IFNG-AS1: variants seen among roughly 807,000 people sequenced by gnomAD.
IFNG-AS1 encodes IFNG regulatory antisense RNA 1.
intron 1 of IFNG-AS1, among the ~76,000 whole-genome samples, chr12:67,991,704 AGTACTTC>A (rs1879517390): frequency 6.6e-6 from 1 of 152,240 alleles, no homozygotes; most frequent in South Asian, 2.1e-4. Context: ...GGTCTCAGTC[AGTACTTC>A]GTACTGCAAC....
chr12:68,017,934 C>A (rs922746203), intron 3 of IFNG-AS1, among the ~76,000 whole-genome samples: 2 of 152,154 alleles, frequency 1.3e-5, no homozygotes, highest in Non-Finnish European at 2.9e-5. Flanking sequence ...TGGAGTACTT[C>A]CCAGCTACTA....
chr12:67,995,388 T>C (rs1335076297), intron 1 of IFNG-AS1, among the ~76,000 whole-genome samples: 2 of 124,252 alleles, frequency 1.6e-5, no homozygotes, highest in African/African-American at 6.2e-5. Flanking sequence ...GCCACTGCAC[T>C]CCAGCCTGGT....
At chr12:68,015,644 T>C (rs917862875) in intron 3 of IFNG-AS1, among the ~76,000 whole-genome samples, 2 of 152,140 alleles carry the variant, frequency 1.3e-5, no homozygotes, top group African/African-American at 2.4e-5. Context: ...TTTAGTACTA[T>C]ATAGTCTCCT....
chr12:68,010,436 C>T (rs1430813280), intron 3 of IFNG-AS1, among the ~76,000 whole-genome samples: 1 of 152,100 alleles, frequency 6.6e-6, no homozygotes, highest in Non-Finnish European at 1.5e-5. Flanking sequence ...TCTCTGCATG[C>T]CTCATCTTCT....
intron 2 of IFNG-AS1, among the ~76,000 whole-genome samples, chr12:68,004,981 C>A (rs907681648): frequency 6.6e-6 from 1 of 152,168 alleles, no homozygotes; most frequent in Non-Finnish European, 1.5e-5. Flanking sequence ...TTTTTTATAT[C>A]CTCTACATAT....
intron 1 of IFNG-AS1, among the ~76,000 whole-genome samples, chr12:67,991,260 T>A (rs1334843587): frequency 6.6e-6 from 1 of 152,204 alleles, no homozygotes; most frequent in African/African-American, 2.4e-5. Context: ...TTTAAGAAGA[T>A]CTGAAATAAA....
intron 2 of IFNG-AS1, among the ~76,000 whole-genome samples, chr12:68,003,424 C>CTTTTTTTTTTTTTTT (rs530422946): frequency 7.3e-6 from 1 of 136,508 alleles, no homozygotes. Context: ...CATATTCCCC[C>CTTTTTTTTTTTTTTT]CTTTTTTTTT....
chr12:68,008,683 C>T (rs1465247977), intron 3 of IFNG-AS1, among the ~76,000 whole-genome samples: 1 of 152,132 alleles, frequency 6.6e-6, no homozygotes, highest in Non-Finnish European at 1.5e-5. Context: ...CAGTGGCTCT[C>T]CCATATGCTA....
At chr12:67,996,171 C>A (rs899048130) in intron 2 of IFNG-AS1, 1 of 152,136 alleles carries the variant, frequency 6.6e-6, no homozygotes, top group African/African-American at 2.4e-5. Context: ...AATCTGGAAT[C>A]CAAAATTTAA....
At chr12:68,018,349 A>G (rs1464242947) in intron 3 of IFNG-AS1, among the ~76,000 whole-genome samples, 1 of 152,176 alleles carries the variant, frequency 6.6e-6, no homozygotes, top group Non-Finnish European at 1.5e-5. Context: ...ATTGAATTTA[A>G]CTAAATTAAA....
At chr12:67,990,109 T>C (rs1879468985) in intron 1 of IFNG-AS1, among the ~76,000 whole-genome samples, 1 of 152,226 alleles carries the variant, frequency 6.6e-6, no homozygotes, top group Non-Finnish European at 1.5e-5. Flanking sequence ...TTAATTGTAA[T>C]TAAAACTACT....
At chr12:67,989,896 T>C (rs769600100) in intron 1 of IFNG-AS1, among the ~76,000 whole-genome samples, 2 of 152,174 alleles carry the variant, frequency 1.3e-5, no homozygotes, top group Non-Finnish European at 2.9e-5. Context: ...ATGTAGAACA[T>C]TGATTAAGTT....
intron 4 of IFNG-AS1, chr12:68,020,611 C>T (rs749204140): frequency 1.3e-5 from 2 of 152,116 alleles, no homozygotes; most frequent in African/African-American, 2.4e-5. Context: ...GAAATGCAAT[C>T]GTAGACTTAT....
intron 3 of IFNG-AS1, chr12:68,006,215 G>A (rs922480933): frequency 6.6e-6 from 1 of 152,100 alleles, no homozygotes; most frequent in African/African-American, 2.4e-5. Context: ...GGTGATCAAA[G>A]GACAAAAGTG....
intron 2 of IFNG-AS1, among the ~76,000 whole-genome samples, chr12:67,999,837 G>T (rs1879726965): frequency 6.6e-6 from 1 of 152,146 alleles, no homozygotes; most frequent in African/African-American, 2.4e-5. Flanking sequence ...AGTAAAAACA[G>T]TTCCTTTACA....
intron 3 of IFNG-AS1, among the ~76,000 whole-genome samples, chr12:68,019,074 G>A (rs1880225602): frequency 6.6e-6 from 1 of 152,040 alleles, no homozygotes; most frequent in South Asian, 2.1e-4. Flanking sequence ...GGGTCTCTGA[G>A]GGAAAAGTTA....
chr12:68,009,584 A>T (rs931376591), intron 3 of IFNG-AS1, among the ~76,000 whole-genome samples: 1 of 152,050 alleles, frequency 6.6e-6, no homozygotes, highest in East Asian at 1.9e-4. Flanking sequence ...CTCGTGATCC[A>T]CCCACCTCAG....
chr12:67,998,196 G>A (rs1879685703), intron 2 of IFNG-AS1, among the ~76,000 whole-genome samples: 1 of 151,946 alleles, frequency 6.6e-6, no homozygotes, highest in African/African-American at 2.4e-5. Flanking sequence ...GTTATTAATT[G>A]TGACATTGTT....
chr12:68,005,866 C>T (rs1189506757), intron 2 of IFNG-AS1, among the ~76,000 whole-genome samples: 2 of 152,166 alleles, frequency 1.3e-5, no homozygotes, highest in Admixed American at 1.3e-4. Flanking sequence ...TTCATTTATT[C>T]ATGTTTCTCT....
Sources: allele counts gnomAD v4.1 joint callset (sites outside exome capture counted in the v4.1 genomes callset), GRCh38; gene constraint gnomAD v4.1.1; transcripts MANE v1.5; gene names NCBI Gene and HGNC (gene_info 2026-07-23, HGNC 2026-07-21).